CDIN1: variants seen among roughly 807,000 people sequenced by gnomAD.
CDIN1 encodes the protein CDAN1 interacting nuclease 1.
Under a neutral mutation model 45.3 loss-of-function variants are expected in CDIN1, and 33 were observed. The ratio of observed to expected loss-of-function variants is 0.73; its 90% CI spans 0.55 to 0.97. The LOEUF is 0.97. Among genes scored for constraint, CDIN1 ranks in the 50% least tolerant of loss-of-function variants. The pLI, the probability that CDIN1 is intolerant of heterozygous loss-of-function variation, is 0.00. For synonymous variants in CDIN1, 118 were observed against 124.4 expected (o/e 0.95, Z 0.34); for missense variants, 303 against 339.4 (o/e 0.89, Z 0.84).
chr15:36,716,903 G>T (rs2043234196), intron 10 of CDIN1, among the ~76,000 whole-genome samples: 1 of 152,202 alleles, frequency 6.6e-6, no homozygotes, highest in Admixed American at 6.6e-5. Flanking sequence ...TGAGAACTGA[G>T]CAGTAAACTG....
chr15:36,635,718 A>C (rs553603537), intron 1 of CDIN1, among the ~76,000 whole-genome samples: 1 of 152,290 alleles, frequency 6.6e-6, no homozygotes, highest in East Asian at 1.9e-4. Context: ...TTGTTCGGGG[A>C]GTTATAAAAG....
chr15:36,594,366 A>G (rs1482076508), intron 1 of CDIN1, among the ~76,000 whole-genome samples: 1 of 152,232 alleles, frequency 6.6e-6, no homozygotes, highest in Non-Finnish European at 1.5e-5. Context: ...TATAGATTAT[A>G]TTTTAGGGAC....
intron 10 of CDIN1, among the ~76,000 whole-genome samples, chr15:36,712,481 G>T (rs1008672148): frequency 6.6e-5 from 10 of 151,858 alleles, no homozygotes; most frequent in East Asian, 3.9e-4. Context: ...GGTCAGTCTG[G>T]TCTCGAACTC....
chr15:36,759,083 C>T (rs529441615), intron 10 of CDIN1, among the ~76,000 whole-genome samples: 10 of 152,196 alleles, frequency 6.6e-5, no homozygotes, highest in African/African-American at 2.2e-4. Context: ...CTGAGGGTTT[C>T]AGTGTTTGTC....
intron 10 of CDIN1, among the ~76,000 whole-genome samples, chr15:36,719,365 G>A (rs1294575668): frequency 6.6e-6 from 1 of 152,076 alleles, no homozygotes; most frequent in African/African-American, 2.4e-5. Context: ...TGCTGTTTCT[G>A]CATCTATTAC....
chr15:36,699,279 G>A (rs2042547579), intron 8 of CDIN1, among the ~76,000 whole-genome samples: 1 of 152,130 alleles, frequency 6.6e-6, no homozygotes, highest in African/African-American at 2.4e-5. Flanking sequence ...ATGAAATATT[G>A]TTATGGGGCT....
At chr15:36,678,096 T>C (rs914451887) in intron 5 of CDIN1, among the ~76,000 whole-genome samples, 2 of 152,250 alleles carry the variant, frequency 1.3e-5, no homozygotes, top group African/African-American at 2.4e-5. Context: ...TAATTTAATT[T>C]GTCCCTATAG....
intron 5 of CDIN1, among the ~76,000 whole-genome samples, chr15:36,686,564 A>G (rs2042055479): frequency 7.0e-6 from 1 of 143,396 alleles, no homozygotes; most frequent in South Asian, 2.2e-4. Context: ...TATAATAATA[A>G]AAAAAAAAAA....
At chr15:36,610,793 A>G (rs531415689) in intron 1 of CDIN1, among the ~76,000 whole-genome samples, 10 of 152,186 alleles carry the variant, frequency 6.6e-5, no homozygotes, top group Admixed American at 1.3e-4. Context: ...CATTCCAGCA[A>G]TATTTAATAT....
At chr15:36,584,744 C>T (rs554243238) in intron 1 of CDIN1, among the ~76,000 whole-genome samples, 162 of 152,260 alleles carry the variant, frequency 1.1e-3, no homozygotes, top group African/African-American at 3.6e-3. Flanking sequence ...CATGCCAGTT[C>T]TGCAGACACG....
chr15:36,651,229 A>G (rs2040565651), intron 3 of CDIN1, among the ~76,000 whole-genome samples: 1 of 152,110 alleles, frequency 6.6e-6, no homozygotes, highest in African/African-American at 2.4e-5. Flanking sequence ...TGCAATTTGG[A>G]TGTTTGCCAG....
intron 10 of CDIN1, among the ~76,000 whole-genome samples, chr15:36,803,579 G>A (rs2055121216): frequency 6.6e-5 from 10 of 152,090 alleles, no homozygotes; most frequent in Admixed American, 5.2e-4. Flanking sequence ...TTGCAAGGCC[G>A]CTCACTCCAT....
At chr15:36,607,900 C>T (rs867191164) in intron 1 of CDIN1, among the ~76,000 whole-genome samples, 1 of 152,150 alleles carries the variant, frequency 6.6e-6, no homozygotes, top group Non-Finnish European at 1.5e-5. Flanking sequence ...TAGGCGATCA[C>T]TAATCTACTA....
intron 1 of CDIN1, 93 bp from the exon 2 acceptor site, chr15:36,644,185 A>C: frequency 1.7e-6 from 2 of 1,175,536 alleles, no homozygotes; most frequent in Non-Finnish European, 2.5e-6. Flanking sequence ...GTTAGATTAC[A>C]GGGCAGCAGG....
intron 10 of CDIN1, chr15:36,755,795 AACAG>A (rs1480901369): frequency 6.3e-6 from 1 of 159,066 alleles, no homozygotes; most frequent in East Asian, 1.8e-4. Context: ...GCGGTCAGCA[AACAG>A]ACAGGGTGCA....
At chr15:36,687,736 T>C (rs960946101) in intron 5 of CDIN1, among the ~76,000 whole-genome samples, 4 of 152,142 alleles carry the variant, frequency 2.6e-5, no homozygotes, top group African/African-American at 9.7e-5. Flanking sequence ...TGCAGAAGAT[T>C]TGGATAATAC....
At chr15:36,689,034 A>G (rs1435649908) in intron 5 of CDIN1, among the ~76,000 whole-genome samples, 1 of 152,160 alleles carries the variant, frequency 6.6e-6, no homozygotes, top group Non-Finnish European at 1.5e-5. Flanking sequence ...CTCAATGTAT[A>G]CTTTTTGCTG....
intron 10 of CDIN1, among the ~76,000 whole-genome samples, chr15:36,727,086 A>G (rs1179851960): frequency 2.0e-5 from 3 of 152,074 alleles, no homozygotes; most frequent in African/African-American, 4.8e-5. Flanking sequence ...TATTCTATCA[A>G]TTATTTTAAA....
chr15:36,736,795 A>G (rs2044038313), intron 10 of CDIN1, among the ~76,000 whole-genome samples: 1 of 152,152 alleles, frequency 6.6e-6, no homozygotes, highest in South Asian at 2.1e-4. Flanking sequence ...TTCCAGCCAT[A>G]TCCCAAGATG....
Sources: gnomAD v4.1 joint callset for allele counts (sites outside exome capture counted in the v4.1 genomes callset) on GRCh38, gnomAD v4.1.1 for gene constraint, MANE v1.5 for transcripts, NCBI Gene and HGNC (gene_info 2026-07-23, HGNC 2026-07-21) for gene names.